MTRR: variants seen among roughly 807,000 people sequenced by gnomAD.
The protein encoded by MTRR is methionine synthase reductase.
In MTRR, 63 loss-of-function variants were observed where a neutral mutation model predicts 79.2. That is an observed-to-expected ratio of 0.80 (90% CI 0.65 to 0.98). The LOEUF is 0.98. Ranked by LOEUF, MTRR falls within the 50% of genes least tolerant of loss-of-function variation. MTRR has a pLI of 0.00. For synonymous variants in MTRR, 355 were observed against 313.3 expected (o/e 1.13, Z -1.41); for missense variants, 895 against 839.6 (o/e 1.07, Z -0.82).
intron 14 of MTRR, among the ~76,000 whole-genome samples, chr5:7,899,295 C>G (rs997596281): frequency 1.3e-5 from 2 of 152,176 alleles, no homozygotes; most frequent in African/African-American, 4.8e-5. Flanking sequence ...TTCCTACCCT[C>G]AAACAACTTA....
chr5:7,861,059 G>T (rs942133259), intron 1 of MTRR: 4 of 741,704 alleles, frequency 5.4e-6, no homozygotes, highest in African/African-American at 5.3e-5. Flanking sequence ...ATTTTACTGT[G>T]CCTCAGATTA....
Position 7,883,557 on chromosome 5 carries a change from ATATGCTGAGTTGTGTGGTGCTTGGTTATG to A in MTRR, c.903+309_903+337del, listed in dbSNP as rs1307513377. Among the ~76,000 whole-genome samples the A allele has an allele frequency of 5.6e-3, 835 of 149,326 alleles. 1 individual carries two copies. Among genetic ancestry groups the A allele is most frequent in the Non-Finnish European group, 9.5e-3 (637 of 67,364 alleles). Reference sequence around the variant, plus strand: ...GCTGAGTTGTGTGGTGCTTGGTTACATATGCTGAGTTGTGTGGTGCTTGGTTATGTATGCTGAGTTGTGTGGTGCTTGGT... The same window carrying A: ...GCTGAGTTGTGTGGTGCTTGGTTACATATGCTGAGTTGTGTGGTGCTTGGT... On this transcript the variant is annotated intron_variant, in intron 6 of 14. Transcript: ENST00000440940.
At chr5:7,866,688 G>C (rs1433028401), upstream of MTRR, 2 of 1,599,312 alleles carry the variant, frequency 1.3e-6, no homozygotes, top group South Asian at 2.3e-5. Context: ...ATTTTTGCCA[G>C]AAAGTTGACT....
intron 9 of MTRR, chr5:7,890,513 T>A: frequency 6.5e-6 from 4 of 615,950 alleles, no homozygotes; most frequent in Non-Finnish European, 8.1e-6. Context: ...TGTTAGAATG[T>A]TTGTAACAAT....
At chr5:7,859,858 G>A (rs1746404055) in intron 1 of MTRR, among the ~76,000 whole-genome samples, 2 of 152,198 alleles carry the variant, frequency 1.3e-5, no homozygotes, top group African/African-American at 4.8e-5. Context: ...AAAACAAGCT[G>A]TAGGTTGGTG....
At chr5:7,891,046 A>G (rs1579774716) in intron 9 of MTRR, among the ~76,000 whole-genome samples, 2 of 151,788 alleles carry the variant, frequency 1.3e-5, no homozygotes, top group East Asian at 3.9e-4. Flanking sequence ...TATACCTAGT[A>G]AGGGTTTGCT....
At position 7,900,018 on chromosome 5, in the gene MTRR, T is replaced by G; in HGVS notation, c.2057T>G (p.Leu686Ter). 1 of 1,613,908 alleles carries G rather than the reference T, an allele frequency of 6.2e-7. No homozygotes were observed. Among genetic ancestry groups the G allele is most frequent in the African/African-American group, 1.3e-5 (1 of 74,996 alleles). Reference protein sequence around the residue: ...KLEAMKTLATLKEEKRYLQDI... With the variant: ...KLEAMKTLAT ...GAAGCAATGAAAACCCTGGCCACTT[T>G]AAAAGAAGAAAAACGCTACCTTCAG... The change falls in exon 15 of 15, where the codon TTA (leucine) becomes TGA (stop). Residue 686 changes from leucine (L) to a stop codon, truncating the protein, a stop_gained. Transcript: ENST00000440940. LOFTEE classifies it high-confidence loss of function.
upstream of MTRR, among the ~76,000 whole-genome samples, chr5:7,864,480 TAA>T (rs931352784): frequency 1.3e-5 from 2 of 152,044 alleles, no homozygotes; most frequent in African/African-American, 4.8e-5. Context: ...TAAAAAGTAA[TAA>T]AAGAGTACAA....
At chr5:7,899,346 C>T (rs555868377) in intron 14 of MTRR, among the ~76,000 whole-genome samples, 9 of 152,312 alleles carry the variant, frequency 5.9e-5, no homozygotes, top group South Asian at 4.1e-4. Context: ...ACGTTTCTAA[C>T]GTCGGAAGTG....
rs2126829261 is a variant in MTRR at position 7,899,950 on chromosome 5, C to T, written c.1989C>T (p.Ala663=). The change falls in exon 15 of 15, where the codon GCC becomes GCT. Residue 663 remains alanine, a synonymous_variant. Transcript: ENST00000440940. The part of the protein sequence containing the change: ...AKNMAKDVHD[A]LVQIISKEVG... ...ATATGGCCAAGGATGTACATGATGCCCTTGTGCAAATAATAAGCAAAGAGG... is the reference window on the plus strand; with the variant it reads ...ATATGGCCAAGGATGTACATGATGCTCTTGTGCAAATAATAAGCAAAGAGG... The T allele has an allele frequency of 6.2e-7, 1 of 1,613,970 alleles. No homozygotes were observed.
At position 7,878,305 on chromosome 5, in the gene MTRR, C is replaced by T. The variant is rs1353165398; in HGVS notation, c.763C>T (p.Gln255Ter). The part of the protein sequence containing the change: ...LPPEYLQVHL[Q>*]ESLGQEESQV... Reference sequence around the variant, plus strand: ...CCCAGAATATTTACAGGTACATCTGCAGGAGTCTCTTGGCCAGGTAAGGAA... The same window carrying T: ...CCCAGAATATTTACAGGTACATCTGTAGGAGTCTCTTGGCCAGGTAAGGAA... The change falls in exon 5 of 15, where the codon CAG becomes TAG. Residue 255 changes from glutamine to a stop codon, truncating the protein, a stop_gained. Coordinates refer to ENST00000440940, the MANE Select transcript of MTRR (RefSeq NM_002454.3). LOFTEE classifies it high-confidence loss of function. 3 of 1,614,112 alleles carry T rather than the reference C, an allele frequency of 1.9e-6. No individual in the cohort carries two copies. The highest frequency in any genetic ancestry group is 2.5e-6 in the Non-Finnish European group (3 of 1,180,044).
intron 3 of MTRR, among the ~76,000 whole-genome samples, chr5:7,874,933 T>C (rs940936537): frequency 1.3e-5 from 2 of 152,194 alleles, no homozygotes; most frequent in Non-Finnish European, 2.9e-5. Flanking sequence ...TGACAGATAT[T>C]GTGGTTTTGC....
At chr5:7,892,964 T>A (rs1474864617) in intron 11 of MTRR, 51 bp downstream of exon 11, 1 of 1,559,372 alleles carries the variant, frequency 6.4e-7, no homozygotes, top group Non-Finnish European at 8.8e-7. Context: ...ACTCTTTGTT[T>A]CATTAGAAAA....
chr5:7,873,727 CA>C (rs1273188879), intron 3 of MTRR, among the ~76,000 whole-genome samples: 1 of 152,198 alleles, frequency 6.6e-6, no homozygotes, highest in East Asian at 1.9e-4. Flanking sequence ...CACACCTCTG[CA>C]GAACCTCTTG....
chr5:7,853,151 C>G (rs1746124819), intron 1 of MTRR, among the ~76,000 whole-genome samples: 2 of 152,296 alleles, frequency 1.3e-5, no homozygotes, highest in South Asian at 4.1e-4. Flanking sequence ...CCCCACATGT[C>G]AAAGGAGTGA....
chr5:7,872,704 T>C (rs945436093), intron 2 of MTRR, among the ~76,000 whole-genome samples: 4 of 152,224 alleles, frequency 2.6e-5, no homozygotes, highest in African/African-American at 9.6e-5. Context: ...GTTGTGTTTT[T>C]ATTGCTGTTT....
intron 1 of MTRR, chr5:7,869,420 C>T (rs372253015): frequency 5.9e-5 from 35 of 592,524 alleles, no homozygotes; most frequent in East Asian, 2.3e-4. Context: ...GGGAGCGTGT[C>T]CTTGGGCTCG....
At chr5:7,866,881 TTC>T, upstream of MTRR, 9 of 1,614,124 alleles carry the variant, frequency 5.6e-6, no homozygotes, top group Non-Finnish European at 7.6e-6. Context: ...GTGAAAATTT[TTC>T]TGTTTGGCAA....
chr5:7,884,539 TTTCCA>T (rs1216712329), intron 6 of MTRR, among the ~76,000 whole-genome samples: 1 of 152,194 alleles, frequency 6.6e-6, no homozygotes, highest in African/African-American at 2.4e-5. Flanking sequence ...TCCCAAATAT[TTTCCA>T]TTCAGGTTTG....
Sources: allele counts gnomAD v4.1 joint callset (sites outside exome capture counted in the v4.1 genomes callset), GRCh38; gene constraint gnomAD v4.1.1; transcripts MANE v1.5; gene names NCBI Gene and HGNC (gene_info 2026-07-23, HGNC 2026-07-21).